The following TBC1D2 variants were observed in gnomAD, a reference collection of about 807,000 sequenced individuals.
TBC1D2 encodes the protein TBC1 domain family member 2, also known as TBC1 domain family member 2A.
TBC1D2 carries 58 observed loss-of-function variants against 91.1 expected under a neutral mutation model. The observed-to-expected ratio is 0.64, with a 90% CI of 0.52 to 0.79. TBC1D2 has a LOEUF of 0.79. Among genes scored for constraint, TBC1D2 ranks in the 30% least tolerant of loss-of-function variants. TBC1D2 has a pLI of 0.00. For synonymous variants in TBC1D2, 482 were observed against 511.5 expected, an observed-to-expected ratio of 0.94 and a Z score of 0.78; for missense variants, 1,080 against 1,208.3, an observed-to-expected ratio of 0.89 and a Z score of 1.57.
intron 1 of TBC1D2, among the ~76,000 whole-genome samples, chr9:98,252,232 C>T (rs980321284): frequency 2.6e-5 from 4 of 152,192 alleles, no homozygotes; most frequent in African/African-American, 9.7e-5. Flanking sequence ...ATCTGACACA[C>T]AGTAGGTGCT....
chr9:98,243,930 G>A, intron 3 of TBC1D2, 64 bp downstream of exon 3: 1 of 1,559,524 alleles, frequency 6.4e-7, no homozygotes, highest in Non-Finnish European at 8.7e-7. Context: ...AATCACAGTG[G>A]GTCAAGCTCC....
At chr9:98,239,295 C>A (rs1829581998) in intron 3 of TBC1D2, among the ~76,000 whole-genome samples, 1 of 152,130 alleles carries the variant, frequency 6.6e-6, no homozygotes, top group Non-Finnish European at 1.5e-5. Context: ...TCAACCAATC[C>A]TCCCACCTTG....
rs1828427185 is a variant in TBC1D2, at chr9:98,199,530, G to A, written c.2638C>T (p.Gln880Ter). 6.2e-7 allele frequency: 1 copy of A among 1,614,182 alleles called. No individual in the cohort carries two copies. Among genetic ancestry groups the A allele is most frequent in the East Asian group, 2.2e-5 (1 of 44,880 alleles). ...MNPFRMKQLR[Q>*]LRMVHRERLE... ...CGCTCCCGGTGGACCATGCGCAGCTGCCGCAGCTGTTTCATGCGGAAGGGG... is the reference window on the plus strand; with the variant it reads ...CGCTCCCGGTGGACCATGCGCAGCTACCGCAGCTGTTTCATGCGGAAGGGG... The change falls in exon 13 of 13, where the codon CAG (glutamine) becomes TAG (stop). Residue 880 changes from glutamine (Q) to a stop codon, truncating the protein, a stop_gained. Transcript: ENST00000465784. LOFTEE classifies it low-confidence loss of function (END_TRUNC).
At position 98,244,049 on chromosome 9, in the gene TBC1D2, G is replaced by A; in HGVS notation, c.592C>T (p.Gln198Ter). 6.2e-7 allele frequency: 1 copy of A among 1,612,150 alleles called. No individual in the cohort carries two copies. Among genetic ancestry groups the A allele is most frequent in the Non-Finnish European group, 8.5e-7 (1 of 1,179,228 alleles). ...ATATTCTGAAGGGCAGGGAAGGGCTGCAAGGCAGCTGCCACGCCCACTAGC... is the reference window on the plus strand; with the variant it reads ...ATATTCTGAAGGGCAGGGAAGGGCTACAAGGCAGCTGCCACGCCCACTAGC... ...PGLVGVAAAL[Q>*]PFPALQNISL... is the part of the protein sequence containing the mutation. Residue 198 changes from glutamine (Q) to a stop codon, truncating the protein, a stop_gained, in exon 3 of 13, where the codon CAG becomes TAG. Transcript: ENST00000465784. LOFTEE classifies it high-confidence loss of function.
At position 98,223,921 on chromosome 9, in the gene TBC1D2, C is replaced by T. The variant is rs139509931; in HGVS notation, c.979-2693G>A. 9.6e-4 allele frequency among the ~76,000 whole-genome samples: 146 copies of T among 152,264 alleles called. 1 individual carries two copies. Among genetic ancestry groups the T allele is most frequent in the African/African-American group, 3.2e-3 (135 of 41,574 alleles). On this transcript the variant is annotated intron_variant, in intron 5 of 12. Transcript: ENST00000465784. ...ACCAATTCTTAAAAATAGGTTGGGCCGGGCGTGGTGGCTCACGCCTGTAAT... is the reference window on the plus strand; with the variant it reads ...ACCAATTCTTAAAAATAGGTTGGGCTGGGCGTGGTGGCTCACGCCTGTAAT...
At position 98,212,480 on chromosome 9, in the gene TBC1D2, C is replaced by T. The variant is rs77111391; in HGVS notation, c.1485+628G>A. ...ACTTTCCTTCCTCCCTTTGGGCCCCCAAGAATCCCACAAGTCCAAGTGCAT... is the reference window on the plus strand; with the variant it reads ...ACTTTCCTTCCTCCCTTTGGGCCCCTAAGAATCCCACAAGTCCAAGTGCAT... On this transcript the variant is annotated intron_variant, in intron 7 of 12. Coordinates refer to ENST00000465784, the MANE Select transcript of TBC1D2 (RefSeq NM_001267571.2). Among the ~76,000 whole-genome samples, 914 of 151,492 alleles carry T rather than the reference C, an allele frequency of 6.0e-3. 12 individuals carry two copies. The highest frequency in any genetic ancestry group is 0.03 in the Admixed American group (456 of 15,182).
intron 5 of TBC1D2, among the ~76,000 whole-genome samples, chr9:98,226,161 A>C (rs570110664): frequency 2.6e-5 from 4 of 152,198 alleles, no homozygotes; most frequent in Non-Finnish European, 5.9e-5. Context: ...CTTTGGTTTC[A>C]GTATCTGGGC....
At position 98,210,761 on chromosome 9, in the gene TBC1D2, T is replaced by TA; in HGVS notation, c.1567_1568insT (p.Asp523ValfsTer28). 6.4e-7 allele frequency: 1 copy of TA among 1,566,864 alleles called. No individual in the cohort carries two copies. Among genetic ancestry groups the TA allele is most frequent in the Non-Finnish European group, 8.7e-7 (1 of 1,155,720 alleles). On this transcript the variant is annotated frameshift_variant, in exon 8 of 13. Coordinates refer to ENST00000465784, the MANE Select transcript of TBC1D2 (RefSeq NM_001267571.2). LOFTEE classifies it high-confidence loss of function. The stretch of plus-strand genomic sequence containing the variant: ...CAGCTCTGAGCACTCGCTGGCTTCG[T>TA]CCCCCAGGGCCTCCTGCAGCCTTCT...
chr9:98,228,862 G>C lies in TBC1D2; in HGVS notation c.978+90C>G. 5 of 1,281,892 alleles carry C rather than the reference G, an allele frequency of 3.9e-6. No individual in the cohort carries two copies. Among genetic ancestry groups the C allele is most frequent in the Non-Finnish European group, 5.4e-6 (5 of 917,940 alleles). 79.4% of individuals were successfully genotyped at this position (1,281,892 alleles called of 1,614,324 possible). On this transcript the variant is annotated intron_variant, in intron 5 of 12. Coordinates refer to ENST00000465784, the MANE Select transcript of TBC1D2 (RefSeq NM_001267571.2). The surrounding 1 kb of genome is among the most constrained non-coding windows in gnomAD (Gnocchi z 4.0). Reference sequence around the variant, plus strand: ...CCAGAGAGTAGCTGGTGCCCAGCACGGCTAATGCGTCCCATCTAGCTTATC... The same window carrying C: ...CCAGAGAGTAGCTGGTGCCCAGCACCGCTAATGCGTCCCATCTAGCTTATC...
chr9:98,227,974 C>T (rs1037268215), intron 5 of TBC1D2, among the ~76,000 whole-genome samples: 1 of 152,074 alleles, frequency 6.6e-6, no homozygotes, highest in Non-Finnish European at 1.5e-5. Flanking sequence ...AAGAAATGTA[C>T]AAGTTATAAG....
intron 2 of TBC1D2, among the ~76,000 whole-genome samples, chr9:98,250,778 C>T (rs1588068930): frequency 6.6e-6 from 1 of 152,270 alleles, no homozygotes; most frequent in South Asian, 2.1e-4. Context: ...TGTACTGGGA[C>T]CTGATTTTCC....
chr9:98,201,757 A>G, intron 10 of TBC1D2, 93 bp from the exon 11 acceptor site: 1 of 1,316,282 alleles, frequency 7.6e-7, no homozygotes, highest in South Asian at 1.4e-5. Context: ...GTCCACACAC[A>G]ATCCTGAAGC....
chr9:98,210,672 C>T lies in TBC1D2; in HGVS notation c.1657G>A (p.Glu553Lys), dbSNP rs569274032. 6.2e-6 allele frequency: 10 copies of T among 1,600,148 alleles called. No individual in the cohort carries two copies. The highest frequency in any genetic ancestry group is 1.3e-5 in the African/African-American group (1 of 74,696). ...CAGGCTCACCTGATGGGGCTCAGCT[C>T]GATGCTGTCAGATGAGGCCTCCCCA... is the stretch of plus-strand genomic sequence containing the variant. Reference protein sequence around the residue: ...EAGEASSDSIELSPISKYDEY... With the variant: ...EAGEASSDSIKLSPISKYDEY... The change falls in exon 8 of 13, where the codon GAG (glutamate) becomes AAG (lysine). Residue 553 changes from glutamate to lysine, a missense_variant. By Grantham distance (56) the Glu-to-Lys change is moderately conservative. Coordinates refer to ENST00000465784, the MANE Select transcript of TBC1D2 (RefSeq NM_001267571.2).
intron 3 of TBC1D2, among the ~76,000 whole-genome samples, chr9:98,242,804 T>TC (rs1829676261): frequency 1.2e-4 from 2 of 17,106 alleles, no homozygotes; most frequent in Non-Finnish European, 3.6e-4. Context: ...CACTGCTGCC[T>TC]TTTTTTTTTT....
At chr9:98,210,284 A>T (rs1339682785) in intron 8 of TBC1D2, among the ~76,000 whole-genome samples, 1 of 152,114 alleles carries the variant, frequency 6.6e-6, no homozygotes, top group African/African-American at 2.4e-5. Context: ...CCTTTCTGTT[A>T]TATTTAACTG....
chr9:98,208,602 C>G (rs1306378986), intron 9 of TBC1D2, 66 bp downstream of exon 9: 7 of 1,476,772 alleles, frequency 4.7e-6, no homozygotes, highest in Admixed American at 4.6e-5. Context: ...TGTCCACAGT[C>G]TGAGGGTTGG....
rs1027327935 is a variant in TBC1D2 at position 98,199,672 on chromosome 9, A to G, written c.2580-84T>C. 4.8e-6 allele frequency: 7 copies of G among 1,443,764 alleles called. No individual in the cohort carries two copies. The African/African-American group carries it at 5.6e-5, about 12-fold the overall frequency. The allele number at this position is 1,443,764 out of a possible 1,614,324, so 89.4% of individuals were successfully genotyped here. Reference sequence around the variant, plus strand: ...GGCTCTCCCAGACAGACATCCCCGCATTCCTTCTGCCTTTGTGGCTGAGCC... The same window carrying G: ...GGCTCTCCCAGACAGACATCCCCGCGTTCCTTCTGCCTTTGTGGCTGAGCC... On this transcript the variant is annotated intron_variant, in intron 12 of 12. Transcript: ENST00000465784.
At chr9:98,247,564 T>C (rs900819037) in intron 2 of TBC1D2, among the ~76,000 whole-genome samples, 20 of 151,232 alleles carry the variant, frequency 1.3e-4, no homozygotes, top group Non-Finnish European at 2.2e-4. Flanking sequence ...CCGTCTCTAA[T>C]AAAAATACAA....
intron 6 of TBC1D2, among the ~76,000 whole-genome samples, chr9:98,218,782 G>A (rs1355732402): frequency 6.6e-6 from 1 of 151,980 alleles, no homozygotes; most frequent in African/African-American, 2.4e-5. Context: ...CCTCCACCTC[G>A]TGGGCTCAAG....
Sources: gnomAD v4.1 joint callset for allele counts (sites outside exome capture counted in the v4.1 genomes callset) on GRCh38, gnomAD v4.1.1 for gene constraint, Gnocchi (gnomAD v3.1) non-coding constraint, MANE v1.5 for transcripts, NCBI Gene and HGNC (gene_info 2026-07-23, HGNC 2026-07-21) for gene names.